OPCML: variants seen among roughly 807,000 people sequenced by gnomAD.
The protein encoded by OPCML is opioid binding protein/cell adhesion molecule like.
A neutral mutation model predicts 37.8 loss-of-function variants in OPCML; 13 were observed. That is an observed-to-expected ratio of 0.34 (90% CI 0.22 to 0.55). The LOEUF is 0.55. Ranked by LOEUF, OPCML falls within the 20% of genes least tolerant of loss-of-function variation. OPCML has a pLI of 0.91. For missense variants in OPCML, 341 were observed against 435.6 expected (o/e 0.78, Z 1.93); for synonymous variants, 176 against 168.8 (o/e 1.04, Z -0.33).
At chr11:132,516,921 C>T (rs1016374356) in intron 4 of OPCML, among the ~76,000 whole-genome samples, 10 of 152,154 alleles carry the variant, frequency 6.6e-5, no homozygotes, top group Admixed American at 5.2e-4. Context: ...TGCTGCCCAC[C>T]CAGAGTTCTA....
chr11:132,580,252 G>A lies in OPCML; in HGVS notation c.380-51066C>T, dbSNP rs1285482784. On this transcript the variant is annotated intron_variant, in intron 3 of 7. Transcript: ENST00000524381. ...AACAACTTAATTATCCAATAATAGG[G>A]AGACATATTGGTAAATTACAGAATG... 2.6e-5 allele frequency among the ~76,000 whole-genome samples: 4 copies of A among 152,176 alleles called. No homozygotes were observed. In the East Asian group the frequency reaches 7.7e-4, roughly 29 times the overall value.
chr11:133,413,679 C>G (rs1427790432), intron 1 of OPCML, among the ~76,000 whole-genome samples: 1 of 152,120 alleles, frequency 6.6e-6, no homozygotes, highest in Admixed American at 6.5e-5. Flanking sequence ...GCATGTCTTT[C>G]CCTCTCTTTG....
chr11:133,185,484 C>T (rs1182496080), intron 1 of OPCML, among the ~76,000 whole-genome samples: 2 of 152,164 alleles, frequency 1.3e-5, no homozygotes, highest in East Asian at 3.9e-4. Context: ...CAATGCAACT[C>T]ATAGGAAGGA....
chr11:133,251,552 T>C (rs1436484625), intron 1 of OPCML, among the ~76,000 whole-genome samples: 1 of 151,164 alleles, frequency 6.6e-6, no homozygotes, highest in African/African-American at 2.4e-5. Flanking sequence ...CAGATCTAGT[T>C]TTTTGTTTGT....
chr11:132,516,141 G>C (rs2096279168), intron 4 of OPCML, among the ~76,000 whole-genome samples: 1 of 152,094 alleles, frequency 6.6e-6, no homozygotes, highest in Non-Finnish European at 1.5e-5. Flanking sequence ...GCCTAAACTA[G>C]GATAGCCTCA....
intron 1 of OPCML, among the ~76,000 whole-genome samples, chr11:133,226,120 G>A (rs748962018): frequency 8.5e-5 from 13 of 152,184 alleles, no homozygotes; most frequent in Non-Finnish European, 1.5e-4. Flanking sequence ...ATAATTAAGC[G>A]GGGATATAGA....
At chr11:133,505,464 C>A (rs1322793771) in intron 1 of OPCML, among the ~76,000 whole-genome samples, 1 of 152,210 alleles carries the variant, frequency 6.6e-6, no homozygotes, top group African/African-American at 2.4e-5. Context: ...CTCCTACCAC[C>A]AAATGCACCT....
At chr11:132,646,915 T>A (rs545060408) in intron 3 of OPCML, among the ~76,000 whole-genome samples, 1 of 152,244 alleles carries the variant, frequency 6.6e-6, no homozygotes, top group South Asian at 2.1e-4. Flanking sequence ...ATAGAGCTGA[T>A]ATTAACTCCA....
chr11:132,994,229 G>C (rs1480770075), intron 1 of OPCML, among the ~76,000 whole-genome samples: 1 of 152,228 alleles, frequency 6.6e-6, no homozygotes, highest in Non-Finnish European at 1.5e-5. Context: ...GCTCCTGCCA[G>C]GAGCCGGCGC....
At chr11:132,552,761 C>CCCTTTTTTTTTTTTTTTTTTTTT (rs1337627753) in intron 3 of OPCML, among the ~76,000 whole-genome samples, 2 of 67,480 alleles carry the variant, frequency 3.0e-5, no homozygotes, top group African/African-American at 2.2e-4. Flanking sequence ...TTAAACACTA[C>CCCTTTTTTTTTTTTTTTTTTTTT]TCTTTTTTTT....
chr11:132,722,056 T>G (rs1401851281), intron 2 of OPCML, among the ~76,000 whole-genome samples: 1 of 142,286 alleles, frequency 7.0e-6, no homozygotes, highest in Non-Finnish European at 1.5e-5. Context: ...CCCAGCTTCA[T>G]GCCATTCTCC....
intron 2 of OPCML, among the ~76,000 whole-genome samples, chr11:132,893,850 C>T (rs964720647): frequency 2.6e-5 from 4 of 152,148 alleles, no homozygotes; most frequent in African/African-American, 9.7e-5. Context: ...TTCCAATAAG[C>T]AAGGTGGAGT....
Position 132,838,077 on chromosome 11 carries a change from A to T in OPCML, c.146+104849T>A, listed in dbSNP as rs142901055. 5.4e-4 allele frequency among the ~76,000 whole-genome samples: 83 copies of T among 152,306 alleles called. No homozygotes were observed. In the East Asian group the frequency reaches 0.014, roughly 26 times the overall value. On this transcript the variant is annotated intron_variant, in intron 2 of 7. Coordinates refer to ENST00000524381, the MANE Select transcript of OPCML (RefSeq NM_001012393.5). ...GCCCTACTAATTTGTATACATGCTG[A>T]GAGGAAGACACTTGTCCATCATGTT...
chr11:132,910,798 A>C (rs1421711171), intron 2 of OPCML, among the ~76,000 whole-genome samples: 1 of 152,188 alleles, frequency 6.6e-6, no homozygotes, highest in Non-Finnish European at 1.5e-5. Context: ...TCCAGTTGCA[A>C]CTCAATTGCT....
chr11:133,007,328 T>G (rs1031343238), intron 1 of OPCML: 14 of 985,254 alleles, frequency 1.4e-5, no homozygotes, highest in Non-Finnish European at 1.6e-5. Flanking sequence ...TCAGCAGAAC[T>G]CTGGATTGAT....
chr11:132,997,050 A>C (rs1292741873), intron 1 of OPCML, among the ~76,000 whole-genome samples: 1 of 152,072 alleles, frequency 6.6e-6, no homozygotes, highest in Non-Finnish European at 1.5e-5. Context: ...TCAGCATTGC[A>C]CATCCTCCGA....
At chr11:132,956,991 T>A (rs1945988728) in intron 1 of OPCML, among the ~76,000 whole-genome samples, 1 of 152,132 alleles carries the variant, frequency 6.6e-6, no homozygotes, top group African/African-American at 2.4e-5. Context: ...AACAGGCAGA[T>A]GTGCTGCCTC....
At chr11:133,022,181 T>C (rs963765062) in intron 1 of OPCML, among the ~76,000 whole-genome samples, 1 of 152,132 alleles carries the variant, frequency 6.6e-6, no homozygotes. Context: ...TTTCTGGAGA[T>C]AGTGGAGTTT....
intron 3 of OPCML, among the ~76,000 whole-genome samples, chr11:132,606,615 TCATCCTGCAAGGAC>T (rs1452249530): frequency 6.6e-6 from 1 of 152,112 alleles, no homozygotes; most frequent in East Asian, 1.9e-4. Flanking sequence ...CCTGCAAGGA[TCATCCTGCAAGGAC>T]CAGCCTCCAA....
Sources: allele counts gnomAD v4.1 joint callset (sites outside exome capture counted in the v4.1 genomes callset), GRCh38; gene constraint gnomAD v4.1.1; transcripts MANE v1.5; gene names NCBI Gene and HGNC (gene_info 2026-07-23, HGNC 2026-07-21).